KIF26A: variants seen among roughly 807,000 people sequenced by gnomAD.
KIF26A encodes kinesin family member 26A, also known as kinesin-like protein KIF26A.
KIF26A carries 74 observed loss-of-function variants against 126.0 expected under a neutral mutation model. The ratio of observed to expected loss-of-function variants is 0.59; its 90% CI spans 0.49 to 0.71. The LOEUF (loss-of-function observed/expected upper bound fraction) is 0.71. Ranked by LOEUF, KIF26A falls within the 30% of genes least tolerant of loss-of-function variation. The pLI is 0.00. For missense variants in KIF26A, 2,984 were observed against 2,763.3 expected, an observed-to-expected ratio of 1.08 and a Z score of -1.79; for synonymous variants, 1,445 against 1,232.7, an observed-to-expected ratio of 1.17 and a Z score of -3.61.
Position 104,139,030 on chromosome 14 carries a change from C to T in KIF26A, c.43-13C>T. 7.4e-7 allele frequency: 1 copy of T among 1,347,482 alleles called. No homozygotes were observed. The allele number at this position is 1,347,482 out of a possible 1,614,324, so 83.5% of individuals were successfully genotyped here. ...CCAGGCTCACTGTCCGCTTCCGCCCCCACACCCTGCAGGTGGCCGAGGGCG... is the reference window on the plus strand; with the variant it reads ...CCAGGCTCACTGTCCGCTTCCGCCCTCACACCCTGCAGGTGGCCGAGGGCG... On this transcript the variant is annotated splice_polypyrimidine_tract_variant and intron_variant, in intron 1 of 14. Coordinates refer to ENST00000423312, the MANE Select transcript of KIF26A (RefSeq NM_015656.2).
chr14:104,179,479 C>A, intron 14 of KIF26A, 93 bp downstream of exon 14: 1 of 1,426,332 alleles, frequency 7.0e-7, no homozygotes, highest in Non-Finnish European at 9.2e-7. Flanking sequence ...TCCTGTACCT[C>A]GTGGTGGGAA....
chr14:104,171,449 C>T (rs2037955873), intron 5 of KIF26A, among the ~76,000 whole-genome samples: 1 of 152,200 alleles, frequency 6.6e-6, no homozygotes, highest in African/African-American at 2.4e-5. Context: ...GCCCGGAGCC[C>T]GCCGCCCCCT....
Position 104,179,930 on chromosome 14 carries a change from G to A in KIF26A, c.*140G>A, listed in dbSNP as rs1486228010. On this transcript the variant is annotated 3_prime_UTR_variant, in exon 15 of 15. Coordinates refer to ENST00000423312, the MANE Select transcript of KIF26A (RefSeq NM_015656.2). Reference sequence around the variant, plus strand: ...GGACGGGAGTCTCAGAGAGGAGACGGAGTGTGGGGGAGGGAGGGCCGGCCA... The same window carrying A: ...GGACGGGAGTCTCAGAGAGGAGACGAAGTGTGGGGGAGGGAGGGCCGGCCA... 2.1e-6 allele frequency: 2 copies of A among 933,336 alleles called. No individual in the cohort carries two copies. Among genetic ancestry groups the A allele is most frequent in the African/African-American group, 3.4e-5 (2 of 59,186 alleles). The allele number at this position is 933,336 out of a possible 1,614,324, so 57.8% of individuals were successfully genotyped here.
At position 104,152,586 on chromosome 14, in the gene KIF26A, C is replaced by A; in HGVS notation, c.735+125C>A. On this transcript the variant is annotated intron_variant, in intron 3 of 14. Transcript: ENST00000423312. The surrounding 1 kb of genome is among the most constrained non-coding windows in gnomAD (Gnocchi z 5.9). Reference sequence around the variant, plus strand: ...TTCCCTGAAGGGAGGGGACGGCGGGCATGGGGGTTCCTGACACTCCTGAGG... The same window carrying A: ...TTCCCTGAAGGGAGGGGACGGCGGGAATGGGGGTTCCTGACACTCCTGAGG... 1 of 878,462 alleles carries A rather than the reference C, an allele frequency of 1.1e-6. No individual in the cohort carries two copies. The highest frequency in any genetic ancestry group is 1.7e-6 in the Non-Finnish European group (1 of 594,410). 54.4% of individuals were successfully genotyped at this position (878,462 alleles called of 1,614,324 possible).
chr14:104,169,318 G>T (rs78426323), intron 5 of KIF26A, among the ~76,000 whole-genome samples: 1 of 152,354 alleles, frequency 6.6e-6, no homozygotes, highest in Non-Finnish European at 1.5e-5. Flanking sequence ...CAGTTGGGGC[G>T]GGGGGCAGAG....
chr14:104,168,248 G>C (rs1405105557), intron 5 of KIF26A, among the ~76,000 whole-genome samples: 1 of 152,236 alleles, frequency 6.6e-6, no homozygotes, highest in African/African-American at 2.4e-5. Flanking sequence ...GTAAGTGACT[G>C]TGTGTCTGGC....
intron 3 of KIF26A, among the ~76,000 whole-genome samples, chr14:104,157,121 C>T (rs531999844): frequency 3.3e-5 from 5 of 152,286 alleles, no homozygotes; most frequent in East Asian, 3.9e-4. Flanking sequence ...GGGAATGGAA[C>T]GTGCGGAGGT....
intron 2 of KIF26A, among the ~76,000 whole-genome samples, chr14:104,143,290 TC>T (rs2141088591): frequency 6.6e-6 from 1 of 152,280 alleles, no homozygotes; most frequent in Admixed American, 6.5e-5. Context: ...TGGACTCTCC[TC>T]CCGGCGAAGC....
Position 104,175,407 on chromosome 14 carries a change from A to T in KIF26A, c.2619A>T (p.Arg873=). 1.3e-6 allele frequency: 2 copies of T among 1,594,916 alleles called. No homozygotes were observed. The highest frequency in any genetic ancestry group is 2.2e-5 in the East Asian group (1 of 44,520). ...ACGGAGCTCAGGCCAGCCCCGCCCGAGGGGGCCGGAAGCCCTCGCCACCAG... is the reference window on the plus strand; with the variant it reads ...ACGGAGCTCAGGCCAGCCCCGCCCGTGGGGGCCGGAAGCCCTCGCCACCAG... ...GTDGAQASPA[R]GGRKPSPPEA... Residue 873 remains arginine (R), a synonymous_variant, in exon 12 of 15, where the codon CGA becomes CGT. Transcript: ENST00000423312.
rs1307078321 is a variant in KIF26A, at chr14:104,177,600, C to G, written c.4812C>G (p.Pro1604=). The change falls in exon 12 of 15, where the codon CCC becomes CCG. Residue 1604 remains proline (P), a synonymous_variant. Coordinates refer to ENST00000423312, the MANE Select transcript of KIF26A (RefSeq NM_015656.2). ...SGVNVGEERP[P]TGPALPSPYS... Reference sequence around the variant, plus strand: ...TGAACGTGGGGGAGGAGCGGCCACCCACGGGCCCGGCCCTGCCCTCCCCCT... The same window carrying G: ...TGAACGTGGGGGAGGAGCGGCCACCGACGGGCCCGGCCCTGCCCTCCCCCT... 6.5e-7 allele frequency: 1 copy of G among 1,530,790 alleles called. No homozygotes were observed. Among genetic ancestry groups the G allele is most frequent in the Non-Finnish European group, 8.7e-7 (1 of 1,143,530 alleles). The allele number at this position is 1,530,790 out of a possible 1,614,324, so 94.8% of individuals were successfully genotyped here. A position where few individuals can be genotyped will look rare whatever the true frequency, so the allele number is the denominator to read the frequency against.
rs552256070 is a variant in KIF26A, at chr14:104,156,736, G to A, written c.736-1019G>A. On this transcript the variant is annotated intron_variant, in intron 3 of 14. Transcript: ENST00000423312. ...TCCCGGGGCGGCTTGTTCTGCTGAC[G>A]TGCCGTGCCTGGCCTCTGGCCTGTG... Among the ~76,000 whole-genome samples, 380 of 152,316 alleles carry A rather than the reference G, an allele frequency of 2.5e-3. 7 individuals carry two copies. Among genetic ancestry groups the A allele is most frequent in the Non-Finnish European group, 2.5e-3 (170 of 68,012 alleles).
At chr14:104,141,934 C>T (rs2037641480) in intron 2 of KIF26A, among the ~76,000 whole-genome samples, 1 of 152,208 alleles carries the variant, frequency 6.6e-6, no homozygotes, top group South Asian at 2.1e-4. Context: ...TAGAGCAGTG[C>T]CCGGAAGGGA....
In KIF26A at chr14:104,139,252, G is replaced by A. The variant is rs753068894; in HGVS notation, c.252G>A (p.Ala84=). ...AGCTGGTGGAGCTCAAGCGACAGGC[G>A]TGGAAGCTGGTCAGCGGGCCCGGGA... ...HTKLVELKRQ[A]WKLVSGPGTT... The change falls in exon 2 of 15, where the codon GCG becomes GCA. Residue 84 remains alanine, a synonymous_variant. Transcript: ENST00000423312. 2.6e-6 allele frequency: 4 copies of A among 1,549,114 alleles called. No individual in the cohort carries two copies. The South Asian group carries it at 3.6e-5, about 14-fold the overall frequency.
intron 2 of KIF26A, among the ~76,000 whole-genome samples, chr14:104,150,318 C>G (rs541263325): frequency 6.6e-6 from 1 of 151,296 alleles, no homozygotes; most frequent in Non-Finnish European, 1.5e-5. Context: ...CGGGACCAGA[C>G]GCGCCAGGCA....
At chr14:104,164,983 G>A (rs2037870527) in intron 4 of KIF26A, among the ~76,000 whole-genome samples, 1 of 151,762 alleles carries the variant, frequency 6.6e-6, no homozygotes, top group Non-Finnish European at 1.5e-5. Context: ...GCGTCTCTGT[G>A]TGTGTTTCTG....
chr14:104,163,099 G>C (rs114106363), intron 4 of KIF26A, among the ~76,000 whole-genome samples: 2,088 of 152,312 alleles, frequency 0.014, 56 homozygotes, highest in African/African-American at 0.047. Flanking sequence ...GTCGTGGGGT[G>C]GGGGGTCTGG....
Position 104,179,359 on chromosome 14 carries a change from C to T in KIF26A, c.5440C>T (p.Leu1814=). ...ELAETQGRLM[L]EPGRWLEQFE... ...GGCCGAGACCCAGGGCCGGCTGATG[C>T]TGGAGCCTGGCCGCTGGCTGGAGCA... The change falls in exon 14 of 15, where the codon CTG becomes TTG. Residue 1814 remains leucine, a synonymous_variant. Transcript: ENST00000423312. 2 of 1,535,008 alleles carry T rather than the reference C, an allele frequency of 1.3e-6. No homozygotes were observed. Among genetic ancestry groups the T allele is most frequent in the Non-Finnish European group, 1.7e-6 (2 of 1,144,044 alleles).
rs55954030 is a variant in KIF26A at position 104,164,161 on chromosome 14, C to T, written c.924-2698C>T. On this transcript the variant is annotated intron_variant, in intron 4 of 14. Coordinates refer to ENST00000423312, the MANE Select transcript of KIF26A (RefSeq NM_015656.2). ...GCTGCAGCCGCCGCAGTGGGGGCAG[C>T]GAGAGGCCGGGCCCGGCTCTGGGGT... Among the ~76,000 whole-genome samples the T allele has an allele frequency of 7.5e-3, 1,134 of 152,210 alleles. 12 individuals are homozygous for T. Among genetic ancestry groups the T allele is most frequent in the African/African-American group, 0.026 (1,071 of 41,524 alleles).
At position 104,177,894 on chromosome 14, in the gene KIF26A, C is replaced by G. The variant is rs769395392; in HGVS notation, c.5106C>G (p.Ala1702=). The stretch of plus-strand genomic sequence containing the variant: ...GCCTCAAGTCCCCCAAGAAGAGGGC[C>G]ACAGGTGGGTGCAGAGGTGCACAGC... The part of the protein sequence containing the change: ...TRSLKSPKKR[A]TGLQRRRLIP... The change falls in exon 12 of 15, where the codon GCC becomes GCG. Residue 1702 remains alanine, a synonymous_variant. Coordinates refer to ENST00000423312, the MANE Select transcript of KIF26A (RefSeq NM_015656.2). 3 of 1,531,906 alleles carry G rather than the reference C, an allele frequency of 2.0e-6. No homozygotes were observed. The highest frequency in any genetic ancestry group is 2.6e-6 in the Non-Finnish European group (3 of 1,146,994). The allele number at this position is 1,531,906 out of a possible 1,614,324, so 94.9% of individuals were successfully genotyped here. A position where few individuals can be genotyped will look rare whatever the true frequency, so the allele number is the denominator to read the frequency against.
Sources: gnomAD v4.1 joint callset for allele counts (sites outside exome capture counted in the v4.1 genomes callset) on GRCh38, gnomAD v4.1.1 for gene constraint, Gnocchi (gnomAD v3.1) non-coding constraint, MANE v1.5 for transcripts, NCBI Gene and HGNC (gene_info 2026-07-23, HGNC 2026-07-21) for gene names.